SHOC2: variants seen among roughly 807,000 people sequenced by gnomAD.
SHOC2 encodes leucine-rich repeat protein SHOC-2.
Under a neutral mutation model 50.2 loss-of-function variants are expected in SHOC2, and 4 were observed. The observed-to-expected ratio is 0.08, with a 90% CI of 0.04 to 0.18. SHOC2 has a LOEUF of 0.18. SHOC2 is among the 10% of genes least tolerant of loss of function. The pLI is 1.00. For synonymous variants in SHOC2, 218 were observed against 244.5 expected (o/e 0.89, Z 1.01); for missense variants, 388 against 669.6 (o/e 0.58, Z 4.64).
At chr10:110,988,448 A>G (rs77764563) in intron 3 of SHOC2, among the ~76,000 whole-genome samples, 3,259 of 152,154 alleles carry the variant, frequency 0.021, 123 homozygotes, top group African/African-American at 0.075. Context: ...TTCAAGGAAT[A>G]TATTTGTTTT....
chr10:110,933,414 T>C (rs1199090300), intron 1 of SHOC2, among the ~76,000 whole-genome samples: 1 of 152,158 alleles, frequency 6.6e-6, no homozygotes, highest in Non-Finnish European at 1.5e-5. Context: ...AGTAAATACT[T>C]ATGTTTGTAC....
At chr10:110,966,927 G>A (rs920185356) in intron 2 of SHOC2, among the ~76,000 whole-genome samples, 1 of 152,196 alleles carries the variant, frequency 6.6e-6, no homozygotes, top group South Asian at 2.1e-4. Flanking sequence ...GCTTTTAAAA[G>A]TATAATGTTT....
In SHOC2 at chr10:110,987,784, T is replaced by C. The variant is rs565418291; in HGVS notation, c.841+2019T>C. The stretch of plus-strand genomic sequence containing the variant: ...CATGTTTAAAACATGATGAGGCTGA[T>C]ACAAAAAGGGAACAAAGAATAAAAT... On this transcript the variant is annotated intron_variant, in intron 3 of 8. Coordinates refer to ENST00000369452, the MANE Select transcript of SHOC2 (RefSeq NM_007373.4). 1.1e-3 allele frequency among the ~76,000 whole-genome samples: 175 copies of C among 152,194 alleles called. 1 individual carries two copies. The highest frequency in any genetic ancestry group is 3.9e-3 in the African/African-American group (160 of 41,558).
chr10:110,950,442 A>G (rs1447316010), intron 1 of SHOC2, among the ~76,000 whole-genome samples: 1 of 152,200 alleles, frequency 6.6e-6, no homozygotes, highest in Admixed American at 6.5e-5. Context: ...AAATGTCCAT[A>G]CTACCCAAAG....
chr10:111,000,627 G>A, intron 4 of SHOC2, 82 bp downstream of exon 4: 1 of 1,259,212 alleles, frequency 7.9e-7, no homozygotes. Context: ...TTTATAGCAG[G>A]GTAAATAATT....
At chr10:110,987,456 C>G (rs1848100630) in intron 3 of SHOC2, among the ~76,000 whole-genome samples, 2 of 152,134 alleles carry the variant, frequency 1.3e-5, no homozygotes, top group African/African-American at 4.8e-5. Flanking sequence ...GCCCATGACA[C>G]TATCGTATTA....
chr10:110,928,849 C>G (rs934162114), intron 1 of SHOC2, among the ~76,000 whole-genome samples: 2 of 152,120 alleles, frequency 1.3e-5, no homozygotes, highest in Non-Finnish European at 2.9e-5. Flanking sequence ...GAGCCTAGAT[C>G]TTGCCACTGT....
At chr10:110,937,685 A>G (rs925110878) in intron 1 of SHOC2, among the ~76,000 whole-genome samples, 1 of 152,228 alleles carries the variant, frequency 6.6e-6, no homozygotes, top group African/African-American at 2.4e-5. Context: ...GGGATAAAGT[A>G]TGGGCTGATG....
intron 1 of SHOC2, among the ~76,000 whole-genome samples, chr10:110,931,039 G>A (rs1223777607): frequency 6.6e-6 from 1 of 152,020 alleles, no homozygotes; most frequent in Non-Finnish European, 1.5e-5. Context: ...TAAATTACAC[G>A]TAAAGTCTTT....
intron 2 of SHOC2, among the ~76,000 whole-genome samples, chr10:110,971,805 A>G (rs1200273422): frequency 6.6e-6 from 1 of 152,046 alleles, no homozygotes; most frequent in Non-Finnish European, 1.5e-5. Flanking sequence ...TACCTATTTG[A>G]CTCATCAACA....
At chr10:110,933,826 A>G (rs1037934750) in intron 1 of SHOC2, among the ~76,000 whole-genome samples, 9 of 152,190 alleles carry the variant, frequency 5.9e-5, no homozygotes, top group African/African-American at 2.2e-4. Flanking sequence ...AAAAACAAAC[A>G]AAAGAAATGT....
intron 1 of SHOC2, among the ~76,000 whole-genome samples, chr10:110,923,203 A>T (rs1463819389): frequency 6.6e-6 from 1 of 151,854 alleles, no homozygotes; most frequent in East Asian, 1.9e-4. Context: ...ATATTTTCCG[A>T]CTGTGTAAAC....
intron 2 of SHOC2, among the ~76,000 whole-genome samples, chr10:110,977,935 AT>A (rs749858980): frequency 6.6e-6 from 1 of 152,184 alleles, no homozygotes; most frequent in African/African-American, 2.4e-5. Flanking sequence ...GCAGATAAGA[AT>A]TTAGGCAAAC....
At chr10:110,948,425 G>A (rs2134100145) in intron 1 of SHOC2, among the ~76,000 whole-genome samples, 1 of 152,294 alleles carries the variant, frequency 6.6e-6, no homozygotes, top group East Asian at 1.9e-4. Flanking sequence ...CCATTGAACA[G>A]TAGCAGAATA....
At chr10:110,988,581 CTTTTTCT>C (rs1848124451) in intron 3 of SHOC2, among the ~76,000 whole-genome samples, 1 of 152,034 alleles carries the variant, frequency 6.6e-6, no homozygotes, top group Admixed American at 6.6e-5. Flanking sequence ...TATGTTTTCT[CTTTTTCT>C]TAATCATTCT....
chr10:110,920,329 A>G (rs1355825092), intron 1 of SHOC2, among the ~76,000 whole-genome samples: 4 of 152,052 alleles, frequency 2.6e-5, no homozygotes, highest in African/African-American at 9.7e-5. Flanking sequence ...GTGATAGCAC[A>G]GCTTTTAGGG....
chr10:110,983,047 G>A (rs1214768050), intron 2 of SHOC2, among the ~76,000 whole-genome samples: 3 of 152,014 alleles, frequency 2.0e-5, no homozygotes, highest in Non-Finnish European at 2.9e-5. Flanking sequence ...TCTTGATTGA[G>A]TTTTGGTAGT....
At chr10:110,952,594 T>A (rs1386780767) in intron 1 of SHOC2, among the ~76,000 whole-genome samples, 15 of 152,040 alleles carry the variant, frequency 9.9e-5, no homozygotes, top group Admixed American at 8.5e-4. Context: ...ATGTGCAGAA[T>A]GTGAAGGTTT....
At chr10:110,936,308 G>T (rs180848640) in intron 1 of SHOC2, among the ~76,000 whole-genome samples, 50 of 151,376 alleles carry the variant, frequency 3.3e-4, no homozygotes, top group Non-Finnish European at 5.6e-4. Flanking sequence ...TTCACCATGT[G>T]GCCAGGCTGG....
Sources: allele counts gnomAD v4.1 joint callset (sites outside exome capture counted in the v4.1 genomes callset), GRCh38; gene constraint gnomAD v4.1.1; transcripts MANE v1.5; gene names NCBI Gene and HGNC (gene_info 2026-07-23, HGNC 2026-07-21).